The following ART3 variants were observed in gnomAD, a reference collection of about 807,000 sequenced individuals.
ART3 encodes ecto-ADP-ribosyltransferase 3.
ART3 carries 49 observed loss-of-function variants against 48.5 expected under a neutral mutation model. That is an observed-to-expected ratio of 1.01 (90% confidence interval 0.80 to 1.28). ART3 has a LOEUF of 1.28. Ranked by LOEUF, ART3 falls within the 50% of genes most tolerant of loss-of-function variation. The pLI, the probability that ART3 is intolerant of heterozygous loss-of-function variation, is 0.00. For synonymous variants in ART3, 145 were observed against 157.2 expected, an observed-to-expected ratio of 0.92 and a Z score of 0.58; for missense variants, 438 against 454.3, an observed-to-expected ratio of 0.96 and a Z score of 0.33.
intron 3 of ART3, among the ~76,000 whole-genome samples, chr4:76,095,466 C>T (rs2149639766): frequency 6.6e-6 from 1 of 152,252 alleles, no homozygotes. Flanking sequence ...CGAGATCGTG[C>T]CACTGCACTC....
Position 76,112,511 on chromosome 4 carries a change from G to C in ART3, c.1162G>C (p.Ala388Pro). Residue 388 changes from alanine (A) to proline (P), a missense_variant, in exon 12 of 12, where the codon GCT (alanine) becomes CCT (proline). This residue lies in a region of ART3 where 227 missense variants were observed against 229.6 expected (regional missense o/e 0.99). Coordinates refer to ENST00000355810, the MANE Select transcript of ART3 (RefSeq NM_001130016.3). ...ISVSAINLFV[A>P]L is the part of the protein sequence containing the mutation. Reference sequence around the variant, plus strand: ...TGTTTCTGCTATAAATCTCTTTGTTGCTCTGTAGTTTGATGCATTGTTTAT... The same window carrying C: ...TGTTTCTGCTATAAATCTCTTTGTTCCTCTGTAGTTTGATGCATTGTTTAT... 3.7e-6 allele frequency: 6 copies of C among 1,612,144 alleles called. No individual in the cohort carries two copies. Among genetic ancestry groups the C allele is most frequent in the Non-Finnish European group, 3.4e-6 (4 of 1,179,160 alleles).
At chr4:76,048,977 A>C (rs934589061) in intron 1 of ART3, among the ~76,000 whole-genome samples, 2 of 151,934 alleles carry the variant, frequency 1.3e-5, no homozygotes, top group African/African-American at 4.8e-5. Context: ...TGGAAGAGTG[A>C]CACCTTTTTC....
intron 3 of ART3, 110 bp from the exon 4 acceptor site, chr4:76,097,534 T>C: frequency 1.1e-6 from 1 of 897,472 alleles, no homozygotes; most frequent in Non-Finnish European, 1.8e-6. Context: ...TAATTATGAG[T>C]CTGATAAACC....
intron 1 of ART3, among the ~76,000 whole-genome samples, chr4:76,014,673 C>T (rs1202896770): frequency 6.6e-6 from 1 of 152,054 alleles, no homozygotes; most frequent in Admixed American, 6.6e-5. Flanking sequence ...TCCAATGAAA[C>T]GTATGAATCT....
At chr4:76,043,613 A>T (rs1429036060) in intron 1 of ART3, among the ~76,000 whole-genome samples, 3 of 151,930 alleles carry the variant, frequency 2.0e-5, no homozygotes, top group African/African-American at 7.2e-5. Flanking sequence ...CCCACCCAGA[A>T]CTCCAGCTGG....
intron 9 of ART3, 85 bp from the exon 10 acceptor site, chr4:76,104,512 A>T: frequency 6.5e-7 from 1 of 1,546,246 alleles, no homozygotes; most frequent in Non-Finnish European, 8.7e-7. Context: ...GGGTGCTTGC[A>T]TCTCTTAAGC....
intron 1 of ART3, chr4:76,041,357 GA>G (rs2149426458): frequency 6.6e-6 from 1 of 152,322 alleles, no homozygotes; most frequent in East Asian, 1.9e-4. Context: ...TTTCTAGCAT[GA>G]AAATGCACTT....
At chr4:76,064,132 AG>A (rs1355551568) in intron 1 of ART3, among the ~76,000 whole-genome samples, 1 of 152,222 alleles carries the variant, frequency 6.6e-6, no homozygotes, top group Non-Finnish European at 1.5e-5. Context: ...TGGCCTGGAG[AG>A]CAGTTTGTCC....
intron 3 of ART3, among the ~76,000 whole-genome samples, chr4:76,084,697 C>CTT (rs112975165): frequency 5.3e-5 from 8 of 152,214 alleles, no homozygotes; most frequent in African/African-American, 1.9e-4. Flanking sequence ...TTCCAGCACT[C>CTT]TCTCTGCAAT....
intron 1 of ART3, among the ~76,000 whole-genome samples, chr4:76,064,553 T>C (rs565244618): frequency 6.6e-6 from 1 of 152,330 alleles, no homozygotes; most frequent in East Asian, 1.9e-4. Context: ...ACTATACTTT[T>C]GATTTTTAAT....
chr4:76,080,158 A>G (rs1722139753), intron 2 of ART3, among the ~76,000 whole-genome samples: 1 of 152,188 alleles, frequency 6.6e-6, no homozygotes, highest in African/African-American at 2.4e-5. Context: ...GGGAGATTTG[A>G]TCATCTTATT....
At chr4:76,051,069 G>A (rs765387172) in intron 1 of ART3, among the ~76,000 whole-genome samples, 21 of 152,376 alleles carry the variant, frequency 1.4e-4, no homozygotes, top group South Asian at 1.2e-3. Context: ...TGAGGGAGCC[G>A]GCTCCGGCCT....
chr4:76,102,461 A>G (rs1385066226), intron 8 of ART3, among the ~76,000 whole-genome samples: 1 of 152,166 alleles, frequency 6.6e-6, no homozygotes, highest in African/African-American at 2.4e-5. Context: ...ATGGCCTCCT[A>G]TAATTTTTAT....
chr4:76,050,017 C>G (rs542376486), intron 1 of ART3, among the ~76,000 whole-genome samples: 2 of 151,626 alleles, frequency 1.3e-5, no homozygotes, highest in Non-Finnish European at 2.9e-5. Flanking sequence ...GGCGGCGCGT[C>G]TGGAGTTGTT....
intron 1 of ART3, chr4:76,033,655 T>G (rs1734076238): frequency 6.6e-6 from 1 of 152,230 alleles, no homozygotes; most frequent in South Asian, 2.1e-4. Flanking sequence ...TAAAGGCATC[T>G]CAAATGTCCT....
chr4:76,054,001 A>G (rs148417770), intron 1 of ART3, among the ~76,000 whole-genome samples: 206 of 152,322 alleles, frequency 1.4e-3, no homozygotes, highest in African/African-American at 4.7e-3. Flanking sequence ...CAACATGCCT[A>G]TTGTTAGGGG....
chr4:76,086,583 A>T (rs1578493541), intron 3 of ART3, among the ~76,000 whole-genome samples: 1 of 152,228 alleles, frequency 6.6e-6, no homozygotes, highest in East Asian at 1.9e-4. Context: ...TATTTTACTT[A>T]AATAAGGATT....
At chr4:76,061,079 C>T (rs1273649599) in intron 1 of ART3, among the ~76,000 whole-genome samples, 1 of 152,196 alleles carries the variant, frequency 6.6e-6, no homozygotes, top group Non-Finnish European at 1.5e-5. Flanking sequence ...ATAGTTTGCA[C>T]AGCAACAGTA....
intron 1 of ART3, among the ~76,000 whole-genome samples, chr4:76,059,020 T>C (rs2149475121): frequency 6.6e-6 from 1 of 152,356 alleles, no homozygotes; most frequent in Middle Eastern, 3.4e-3. Context: ...GTTGAACAGC[T>C]GGCTGTCCTT....
Sources: allele counts gnomAD v4.1 joint callset (sites outside exome capture counted in the v4.1 genomes callset), GRCh38; gene constraint gnomAD v4.1.1; regional missense constraint gnomAD v4.1.1; transcripts MANE v1.5; gene names NCBI Gene and HGNC (gene_info 2026-07-23, HGNC 2026-07-21).